Variants in KAZN observed in about 807,000 individuals in gnomAD.
KAZN encodes kazrin, periplakin interacting protein, also known as kazrin.
KAZN carries 40 observed loss-of-function variants against 87.4 expected under a neutral mutation model. The ratio of observed to expected loss-of-function variants is 0.46; its 90% confidence interval spans 0.36 to 0.60. KAZN has a LOEUF of 0.60. KAZN is among the 20% of genes least tolerant of loss of function. The pLI, the probability that KAZN is intolerant of heterozygous loss-of-function variation, is 0.00. For missense variants in KAZN, 898 were observed against 1,073.9 expected (o/e 0.84, Z 2.29); for synonymous variants, 466 against 458.3 (o/e 1.02, Z -0.22).
intron 2 of KAZN, among the ~76,000 whole-genome samples, chr1:14,513,152 T>G (rs1671005750): frequency 6.6e-6 from 1 of 152,178 alleles, no homozygotes; most frequent in African/African-American, 2.4e-5. Flanking sequence ...GCCCTTTTCC[T>G]TAGAATCATG....
intron 1 of KAZN, among the ~76,000 whole-genome samples, chr1:14,891,897 A>C (rs895798535): frequency 6.6e-6 from 1 of 152,058 alleles, no homozygotes; most frequent in Non-Finnish European, 1.5e-5. Flanking sequence ...GGGCAGTAAG[A>C]CGTGTCCATG....
At chr1:14,649,942 G>A (rs1457648434) in intron 1 of KAZN, among the ~76,000 whole-genome samples, 1 of 151,784 alleles carries the variant, frequency 6.6e-6, no homozygotes, top group Non-Finnish European at 1.5e-5. Context: ...GAAAAGCCAG[G>A]TACAGGGCTT....
chr1:14,253,934 C>G (rs553961135), intron 2 of KAZN, among the ~76,000 whole-genome samples: 1 of 126,200 alleles, frequency 7.9e-6, no homozygotes. Flanking sequence ...GCAAGCGAGA[C>G]GTGACATTCT....
chr1:14,070,303 C>T (rs546088897), intron 1 of KAZN, among the ~76,000 whole-genome samples: 1 of 151,816 alleles, frequency 6.6e-6, no homozygotes, highest in South Asian at 2.1e-4. Context: ...CAAAAACCAC[C>T]TTCTTATTTA....
chr1:14,211,389 T>C (rs549592787), intron 2 of KAZN, among the ~76,000 whole-genome samples: 2 of 151,938 alleles, frequency 1.3e-5, no homozygotes, highest in Admixed American at 6.6e-5. Flanking sequence ...CCCAGCTAAT[T>C]TTGTTTTTGT....
rs764178723 is a variant in KAZN at position 15,103,398 on chromosome 1, A to G, written c.1819A>G (p.Ile607Val). ...ERRARCETQNIDPVVWTNQRV... is the reference protein window; with the variant it reads ...ERRARCETQNVDPVVWTNQRV... ...CCGGGCCCGCTGCGAGACGCAGAAC[A>G]TTGACCCCGTGGTGTGGACCAACCA... The change falls in exon 12 of 15, where the codon ATT becomes GTT. Residue 607 changes from isoleucine to valine, a missense_variant. By Grantham distance (29) the Ile-to-Val change is conservative (BLOSUM62 3). This residue lies in a region of KAZN where 521 missense variants were observed against 689.4 expected (regional missense o/e 0.76). Coordinates refer to ENST00000376030, the MANE Select transcript of KAZN (RefSeq NM_201628.3). 26 of 1,552,270 alleles carry G rather than the reference A, an allele frequency of 1.7e-5. No individual in the cohort carries two copies. The Admixed American group carries it at 2.0e-4, about 12-fold the overall frequency.
At chr1:14,321,335 G>A (rs75207124) in intron 2 of KAZN, among the ~76,000 whole-genome samples, 3,513 of 152,224 alleles carry the variant, frequency 0.023, 148 homozygotes, top group African/African-American at 0.08. Flanking sequence ...AAGGGGAAAA[G>A]GAGATTGTTA....
chr1:14,018,962 C>T (rs757202989), intron 1 of KAZN, among the ~76,000 whole-genome samples: 1 of 152,260 alleles, frequency 6.6e-6, no homozygotes, highest in East Asian at 1.9e-4. Context: ...ATCACATGAG[C>T]CAAGGCCCCT....
rs182103008 is a variant in KAZN, at chr1:14,359,663, T to G, written c.249+179071T>G. On this transcript the variant is annotated intron_variant, in intron 2 of 16. Coordinates refer to the KAZN transcript ENST00000636203. ...CAAAATCTCTCAGCATTTGCTTGTC[T>G]GTAAAGGATTTTATTTCTCCTTCAC... is the stretch of plus-strand genomic sequence containing the variant. Among the ~76,000 whole-genome samples, 939 of 152,358 alleles carry G rather than the reference T, an allele frequency of 6.2e-3. 9 individuals are homozygous for G. The highest frequency in any genetic ancestry group is 0.022 in the African/African-American group (898 of 41,586).
chr1:14,898,804 A>T (rs1205990750), intron 1 of KAZN, among the ~76,000 whole-genome samples: 2 of 152,304 alleles, frequency 1.3e-5, no homozygotes, highest in East Asian at 3.9e-4. Flanking sequence ...AGCTCAGTGC[A>T]TAGCTCCTAG....
chr1:14,129,998 T>A (rs1644958178), intron 1 of KAZN, among the ~76,000 whole-genome samples: 1 of 152,220 alleles, frequency 6.6e-6, no homozygotes, highest in Admixed American at 6.5e-5. Context: ...GCAACCTGCA[T>A]ACATAATACA....
intron 1 of KAZN, among the ~76,000 whole-genome samples, chr1:14,651,060 A>G (rs1477755293): frequency 2.0e-5 from 3 of 152,356 alleles, no homozygotes; most frequent in African/African-American, 7.2e-5. Context: ...CATTCAACAC[A>G]TATTCAACCC....
chr1:15,073,136 C>T (rs1186783571), intron 8 of KAZN, among the ~76,000 whole-genome samples: 3 of 152,124 alleles, frequency 2.0e-5, no homozygotes, highest in Admixed American at 6.5e-5. Context: ...CTTCCGTGTA[C>T]GAGTCCACGT....
chr1:14,340,904 T>C (rs12734318), intron 2 of KAZN, among the ~76,000 whole-genome samples: 4 of 147,334 alleles, frequency 2.7e-5, no homozygotes, highest in Non-Finnish European at 6.0e-5. Flanking sequence ...TTTTTTTTTT[T>C]TGAGATGGAG....
chr1:14,825,738 A>G (rs1286017932), intron 1 of KAZN, among the ~76,000 whole-genome samples: 1 of 152,194 alleles, frequency 6.6e-6, no homozygotes, highest in East Asian at 1.9e-4. Flanking sequence ...TCGCCTGATC[A>G]AGCCCCACCT....
At chr1:14,728,782 C>T (rs1036223604) in intron 1 of KAZN, among the ~76,000 whole-genome samples, 3 of 152,150 alleles carry the variant, frequency 2.0e-5, no homozygotes, top group Non-Finnish European at 4.4e-5. Context: ...CTCCCTGGAA[C>T]AAATTTGTGA....
intron 4 of KAZN, among the ~76,000 whole-genome samples, chr1:15,048,726 G>GGGTC (rs1557754656): frequency 5.5e-5 from 8 of 145,706 alleles, no homozygotes; most frequent in African/African-American, 2.2e-4. Context: ...CTGGGTCGTT[G>GGGTC]GTCATGGGTC....
intron 13 of KAZN, among the ~76,000 whole-genome samples, chr1:15,107,874 G>A (rs932153094): frequency 5.9e-5 from 9 of 152,040 alleles, no homozygotes; most frequent in African/African-American, 1.7e-4. Flanking sequence ...GACTCATACC[G>A]ACCTTGTAGC....
At position 14,435,152 on chromosome 1, in the gene KAZN, G is replaced by A. The variant is rs573998518; in HGVS notation, c.250-163831G>A. ...CTGTCTGCCCTCCAGCATCGGTGGC[G>A]CTCGTGGTCTTCAGAGCTCTGATCC... is the stretch of plus-strand genomic sequence containing the variant. On this transcript the variant is annotated intron_variant, in intron 2 of 16. Transcript: ENST00000636203. Among the ~76,000 whole-genome samples the A allele has an allele frequency of 3.3e-5, 5 of 152,146 alleles. No individual in the cohort carries two copies. The East Asian group carries it at 9.7e-4, about 29-fold the overall frequency.
Sources: gnomAD v4.1 joint callset for allele counts (sites outside exome capture counted in the v4.1 genomes callset) on GRCh38, gnomAD v4.1.1 for gene constraint, gnomAD v4.1.1 regional missense constraint, MANE v1.5 for transcripts, NCBI Gene and HGNC (gene_info 2026-07-23, HGNC 2026-07-21) for gene names.